HMCN1: variants seen among roughly 807,000 people sequenced by gnomAD.
HMCN1 encodes hemicentin 1, also known as hemicentin-1.
A neutral mutation model predicts 625.9 loss-of-function variants in HMCN1; 321 were observed. The ratio of observed to expected loss-of-function variants is 0.51; its 90% confidence interval spans 0.47 to 0.56. HMCN1 has a LOEUF of 0.56. HMCN1 is among the 20% of genes least tolerant of loss of function. The probability of loss-of-function intolerance (pLI) is 0.00; values close to 1 mark genes in which losing one functional copy is unlikely to be tolerated. For missense variants in HMCN1, 6,588 were observed against 6,887.3 expected (o/e 0.96, Z 1.54); for synonymous variants, 2,425 against 2,417.6 (o/e 1.00, Z -0.09).
chr1:186,118,097 T>G (rs1661222879), intron 77 of HMCN1, among the ~76,000 whole-genome samples: 1 of 152,080 alleles, frequency 6.6e-6, no homozygotes, highest in Admixed American at 6.6e-5. Context: ...TAAGACTGAG[T>G]GAGTAGCGAG....
At chr1:186,167,653 C>T (rs1415395420) in intron 100 of HMCN1, among the ~76,000 whole-genome samples, 1 of 152,190 alleles carries the variant, frequency 6.6e-6, no homozygotes, top group Non-Finnish European at 1.5e-5. Context: ...TGTCTGTTTC[C>T]TCCAACCTCT....
At chr1:185,798,004 T>C (rs1382427249) in intron 1 of HMCN1, among the ~76,000 whole-genome samples, 1 of 150,150 alleles carries the variant, frequency 6.7e-6, no homozygotes, top group Non-Finnish European at 1.5e-5. Flanking sequence ...AAAGACTTGT[T>C]TTATACTTTT....
In HMCN1 at chr1:186,107,415, A is replaced by T. The variant is rs563900362; in HGVS notation, c.10852+450A>T. 1.6e-4 allele frequency among the ~76,000 whole-genome samples: 24 copies of T among 152,364 alleles called. No homozygotes were observed. The East Asian group carries it at 4.6e-3, about 29-fold the overall frequency. On this transcript the variant is annotated intron_variant, in intron 70 of 106. Coordinates refer to ENST00000271588, the MANE Select transcript of HMCN1 (RefSeq NM_031935.3). ...TTAAAATAATAGAATATAAACTATGATGAAGAAAATTTAAAAATCCAGAAT... is the reference window on the plus strand; with the variant it reads ...TTAAAATAATAGAATATAAACTATGTTGAAGAAAATTTAAAAATCCAGAAT...
intron 11 of HMCN1, among the ~76,000 whole-genome samples, chr1:185,948,576 AT>A (rs1668467385): frequency 6.6e-6 from 1 of 151,400 alleles, no homozygotes; most frequent in Non-Finnish European, 1.5e-5. Context: ...AGGACCGGCC[AT>A]TTACACTTCT....
chr1:186,098,154 CTGGA>C (rs1660222384), intron 68 of HMCN1, among the ~76,000 whole-genome samples: 2 of 151,824 alleles, frequency 1.3e-5, no homozygotes, highest in South Asian at 4.2e-4. Flanking sequence ...AAGGATTTTT[CTGGA>C]TAAGAACTCA....
At chr1:185,917,100 A>G (rs1355870147) in intron 6 of HMCN1, among the ~76,000 whole-genome samples, 1 of 152,134 alleles carries the variant, frequency 6.6e-6, no homozygotes, top group Non-Finnish European at 1.5e-5. Flanking sequence ...CTCTGTGTTC[A>G]GCAACATCAT....
At chr1:186,178,856 G>A in intron 104 of HMCN1, 90 bp downstream of exon 104, 1 of 905,732 alleles carries the variant, frequency 1.1e-6, no homozygotes, top group Non-Finnish European at 1.9e-6. Flanking sequence ...TGAGTGCAGT[G>A]AACTACATCT....
chr1:185,742,474 A>T (rs1654055679), intron 1 of HMCN1, among the ~76,000 whole-genome samples: 1 of 152,126 alleles, frequency 6.6e-6, no homozygotes. Flanking sequence ...CAATAGCAAG[A>T]TCATTTGAAA....
chr1:185,900,272 A>G (rs1665728559), intron 4 of HMCN1, among the ~76,000 whole-genome samples: 2 of 151,946 alleles, frequency 1.3e-5, no homozygotes, highest in Admixed American at 1.3e-4. Context: ...CTCTGGAGTG[A>G]TGATTTAGTT....
intron 81 of HMCN1, among the ~76,000 whole-genome samples, chr1:186,124,000 A>G (rs1379462455): frequency 6.6e-6 from 1 of 152,138 alleles, no homozygotes. Context: ...AAAATTAAAA[A>G]TCATCATTTA....
At chr1:185,938,538 T>C (rs1227346263) in intron 11 of HMCN1, among the ~76,000 whole-genome samples, 1 of 152,154 alleles carries the variant, frequency 6.6e-6, no homozygotes, top group East Asian at 1.9e-4. Context: ...TGAGGTCAGA[T>C]AATTCATTTT....
At chr1:185,926,345 G>T (rs893930941) in intron 9 of HMCN1, among the ~76,000 whole-genome samples, 10 of 152,126 alleles carry the variant, frequency 6.6e-5, no homozygotes, top group African/African-American at 2.2e-4. Flanking sequence ...TACTCTTAAA[G>T]ATTAAACTGT....
At chr1:186,031,230 A>G (rs1261503333) in intron 36 of HMCN1, among the ~76,000 whole-genome samples, 1 of 151,964 alleles carries the variant, frequency 6.6e-6, no homozygotes, top group East Asian at 1.9e-4. Flanking sequence ...TTCCATTTTC[A>G]TTCTTCTAGA....
rs1389151630 is a variant in HMCN1 at position 185,888,680 on chromosome 1, G to C, written c.622-20657G>C. 2.7e-5 allele frequency among the ~76,000 whole-genome samples: 4 copies of C among 147,350 alleles called. 1 individual carries two copies. Among genetic ancestry groups the C allele is most frequent in the African/African-American group, 5.4e-5 (2 of 36,810 alleles). On this transcript the variant is annotated intron_variant, in intron 4 of 106. Coordinates refer to ENST00000271588, the MANE Select transcript of HMCN1 (RefSeq NM_031935.3). ...TCCATTGATCTATCTCTCTGTTTTG[G>C]TACCAGTACCATGCTGTTTTGGTTA...
chr1:185,975,531 A>C (rs532307152), intron 15 of HMCN1, among the ~76,000 whole-genome samples: 4 of 152,212 alleles, frequency 2.6e-5, no homozygotes, highest in African/African-American at 7.2e-5. Flanking sequence ...ACCTCCCACC[A>C]GGCCCCTCCT....
At chr1:185,794,738 C>A (rs989707651) in intron 1 of HMCN1, among the ~76,000 whole-genome samples, 8 of 151,508 alleles carry the variant, frequency 5.3e-5, no homozygotes, top group African/African-American at 1.2e-4. Flanking sequence ...TTTGGTAACA[C>A]CCTCACAGAC....
At chr1:185,944,909 G>A (rs74134221) in intron 11 of HMCN1, among the ~76,000 whole-genome samples, 1,532 of 152,222 alleles carry the variant, frequency 0.01, 16 homozygotes, top group African/African-American at 0.033. Flanking sequence ...ATTTATGTCC[G>A]AATGTGTACT....
intron 41 of HMCN1, among the ~76,000 whole-genome samples, chr1:186,046,647 G>A (rs1433988370): frequency 6.6e-6 from 1 of 152,122 alleles, no homozygotes; most frequent in East Asian, 1.9e-4. Context: ...GGCAAAAGGT[G>A]AGGCTCTGGT....
chr1:186,117,180 T>TAAAAAAAAAA, intron 76 of HMCN1, 65 bp downstream of exon 76: 1 of 1,588,954 alleles, frequency 6.3e-7, no homozygotes, highest in Non-Finnish European at 8.6e-7. Flanking sequence ...TCTACTACTT[T>TAAAAAAAAAA]ACAAAAGGGA....
Sources: allele counts gnomAD v4.1 joint callset (sites outside exome capture counted in the v4.1 genomes callset), GRCh38; gene constraint gnomAD v4.1.1; transcripts MANE v1.5; gene names NCBI Gene and HGNC (gene_info 2026-07-23, HGNC 2026-07-21).